Variants in KHDRBS2 observed in about 807,000 individuals in gnomAD.
The protein encoded by KHDRBS2 is KH domain-containing, RNA-binding, signal transduction-associated protein 2.
Under a neutral mutation model 44.3 loss-of-function variants are expected in KHDRBS2, and 26 were observed. The observed-to-expected ratio is 0.59, with a 90% CI of 0.43 to 0.81. The LOEUF is 0.81. KHDRBS2 is among the 40% of genes least tolerant of loss of function. KHDRBS2 has a pLI of 0.00. For missense variants in KHDRBS2, 476 were observed against 433.1 expected, an observed-to-expected ratio of 1.10 and a Z score of -0.88; for synonymous variants, 194 against 151.1, an observed-to-expected ratio of 1.28 and a Z score of -2.08.
At chr6:62,002,234 A>G (rs552452144) in intron 3 of KHDRBS2, among the ~76,000 whole-genome samples, 124 of 152,144 alleles carry the variant, frequency 8.2e-4, no homozygotes, top group African/African-American at 2.8e-3. Flanking sequence ...CTGGGTTTCT[A>G]AAATTTCCTA....
At chr6:61,700,324 G>C (rs1768449523) in intron 7 of KHDRBS2, among the ~76,000 whole-genome samples, 1 of 150,740 alleles carries the variant, frequency 6.6e-6, no homozygotes. Flanking sequence ...TAGTGGGAGA[G>C]AATATGATAA....
At chr6:62,220,484 T>A (rs1326178499) in intron 1 of KHDRBS2, among the ~76,000 whole-genome samples, 1 of 151,834 alleles carries the variant, frequency 6.6e-6, no homozygotes, top group Non-Finnish European at 1.5e-5. Flanking sequence ...GTATAGCAAA[T>A]GCACACACAA....
intron 2 of KHDRBS2, among the ~76,000 whole-genome samples, chr6:62,135,276 TTC>T (rs1228672728): frequency 6.6e-6 from 1 of 152,192 alleles, no homozygotes; most frequent in African/African-American, 2.4e-5. Flanking sequence ...TTGGCTCTCA[TTC>T]TCTCTTTGCC....
intron 6 of KHDRBS2, among the ~76,000 whole-genome samples, chr6:61,841,791 C>T (rs559625411): frequency 1.6e-3 from 250 of 152,220 alleles, no homozygotes; most frequent in African/African-American, 5.3e-3. Context: ...CAGGGCACAA[C>T]GCTTTATAAC....
chr6:62,082,584 GAT>G (rs1156603181), intron 2 of KHDRBS2, among the ~76,000 whole-genome samples: 3 of 152,062 alleles, frequency 2.0e-5, no homozygotes, highest in Non-Finnish European at 4.4e-5. Flanking sequence ...TACAAAGATA[GAT>G]ATGTGACCTG....
At chr6:62,228,155 G>A (rs1832245696) in intron 1 of KHDRBS2, among the ~76,000 whole-genome samples, 1 of 152,108 alleles carries the variant, frequency 6.6e-6, no homozygotes, top group Non-Finnish European at 1.5e-5. Flanking sequence ...TCTGGTCCAA[G>A]GCTTTATTCG....
At chr6:62,180,738 T>C (rs866300490) in intron 1 of KHDRBS2, among the ~76,000 whole-genome samples, 1 of 151,760 alleles carries the variant, frequency 6.6e-6, no homozygotes. Flanking sequence ...ATGGCCAAAG[T>C]AATTTTGAGA....
intron 6 of KHDRBS2, among the ~76,000 whole-genome samples, chr6:61,786,053 A>C (rs1382657314): frequency 6.6e-6 from 1 of 152,064 alleles, no homozygotes; most frequent in Non-Finnish European, 1.5e-5. Context: ...TCATACACAC[A>C]CACACACATA....
chr6:61,610,068 C>G, the KHDRBS2 span, among the ~76,000 whole-genome samples: 1 of 151,858 alleles, frequency 6.6e-6, no homozygotes, highest in African/African-American at 2.4e-5. Context: ...CCCAGCTACT[C>G]GGGAGGCTGA....
chr6:62,005,934 A>G (rs1779132194), intron 3 of KHDRBS2, among the ~76,000 whole-genome samples: 1 of 152,022 alleles, frequency 6.6e-6, no homozygotes, highest in Admixed American at 6.6e-5. Context: ...ATTATACCAA[A>G]TGCAACACAG....
At position 61,783,242 on chromosome 6, in the gene KHDRBS2, T is replaced by C. The variant is rs1193645992; in HGVS notation, c.811-50478A>G. ...CTTCCTATCATTCATTTCCTATACATTCTCACAGACCGCTCCTTCTCCTAG... is the reference window on the plus strand; with the variant it reads ...CTTCCTATCATTCATTTCCTATACACTCTCACAGACCGCTCCTTCTCCTAG... On this transcript the variant is annotated intron_variant, in intron 6 of 8. Transcript: ENST00000281156. Among the ~76,000 whole-genome samples, 4 of 152,110 alleles carry C rather than the reference T, an allele frequency of 2.6e-5. No homozygotes were observed. In the East Asian group the frequency reaches 7.7e-4, roughly 29 times the overall value.
intron 1 of KHDRBS2, among the ~76,000 whole-genome samples, chr6:62,182,328 T>G (rs1331540374): frequency 6.6e-6 from 1 of 151,854 alleles, no homozygotes; most frequent in Admixed American, 6.6e-5. Context: ...CAGGGAAGTG[T>G]TGGTTAAGAG....
intron 8 of KHDRBS2, among the ~76,000 whole-genome samples, chr6:61,695,921 C>T (rs1434095396): frequency 6.6e-6 from 1 of 152,042 alleles, no homozygotes; most frequent in Non-Finnish European, 1.5e-5. Flanking sequence ...ACCATTGTTT[C>T]CTTTTCTCTT....
At chr6:62,060,689 AT>A (rs1562754005) in intron 2 of KHDRBS2, among the ~76,000 whole-genome samples, 1 of 151,674 alleles carries the variant, frequency 6.6e-6, no homozygotes, top group Admixed American at 6.6e-5. Flanking sequence ...TACCACAAGT[AT>A]TAAAAACAAT....
intron 3 of KHDRBS2, among the ~76,000 whole-genome samples, chr6:62,039,078 A>G (rs1183088893): frequency 6.6e-6 from 1 of 152,098 alleles, no homozygotes; most frequent in African/African-American, 2.4e-5. Context: ...GATAGAATCC[A>G]GTATAAAAAA....
rs139062812 is a variant in KHDRBS2, at chr6:61,982,588, A to G, written c.337-4376T>C. ...CCGGAGGCTGAGGCGAGAGAATGGC[A>G]TGAACCCGGAAGGTGGAGCTTCCAG... On this transcript the variant is annotated intron_variant, in intron 3 of 8. Transcript: ENST00000281156. 1.8e-4 allele frequency among the ~76,000 whole-genome samples: 28 copies of G among 151,544 alleles called. No homozygotes were observed. In the East Asian group the frequency reaches 2.6e-3, roughly 14 times the overall value.
chr6:61,971,509 C>T (rs1771408606), intron 4 of KHDRBS2, among the ~76,000 whole-genome samples: 1 of 152,002 alleles, frequency 6.6e-6, no homozygotes, highest in South Asian at 2.1e-4. Context: ...GTTAAAAAAT[C>T]AGTTTCAAAA....
intron 1 of KHDRBS2, among the ~76,000 whole-genome samples, chr6:62,281,490 C>T (rs887096273): frequency 5.5e-4 from 83 of 151,830 alleles, no homozygotes; most frequent in African/African-American, 1.9e-3. Flanking sequence ...TGTGGTGGCA[C>T]GCACCTGTAA....
chr6:62,143,820 T>C (rs1813363464), intron 2 of KHDRBS2, among the ~76,000 whole-genome samples: 1 of 152,024 alleles, frequency 6.6e-6, no homozygotes, highest in South Asian at 2.1e-4. Flanking sequence ...AGTTGTCCTA[T>C]ATTATGGATT....
Sources: gnomAD v4.1 joint callset for allele counts (sites outside exome capture counted in the v4.1 genomes callset) on GRCh38, gnomAD v4.1.1 for gene constraint, MANE v1.5 for transcripts, NCBI Gene and HGNC (gene_info 2026-07-23, HGNC 2026-07-21) for gene names.